MYDGF: variants seen among roughly 807,000 people sequenced by gnomAD.
MYDGF encodes the protein myeloid-derived growth factor.
Under a neutral mutation model 24.2 loss-of-function variants are expected in MYDGF, and 29 were observed. The ratio of observed to expected loss-of-function variants is 1.20; its 90% CI spans 0.89 to 1.63. The LOEUF is 1.63. MYDGF is among the 40% of genes most tolerant of loss of function. The pLI, the probability that MYDGF is intolerant of heterozygous loss-of-function variation, is 0.00. For missense variants in MYDGF, 245 were observed against 234.8 expected (o/e 1.04, Z -0.29); for synonymous variants, 105 against 102.5 (o/e 1.02, Z -0.15).
intron 2 of MYDGF, among the ~76,000 whole-genome samples, chr19:4,668,174 G>A (rs1487448055): frequency 3.3e-5 from 5 of 152,134 alleles, no homozygotes; most frequent in Admixed American, 6.5e-5. Flanking sequence ...TGATCTGCCC[G>A]CCTCAGCCTC....
Position 4,658,037 on chromosome 19 carries a change from T to A in MYDGF, c.490A>T (p.Ile164Phe). 4 of 1,611,800 alleles carry A rather than the reference T, an allele frequency of 2.5e-6. No individual in the cohort carries two copies. Among genetic ancestry groups the A allele is most frequent in the Non-Finnish European group, 3.4e-6 (4 of 1,179,438 alleles). ...TCAGTGCGCGATGCCTTGGCCACAA[T>A]CACCAGCTTGGACAGCTCAGCTTTG... ...AFKAELSKLV[I>F]VAKASRTEL Residue 164 changes from isoleucine to phenylalanine, a missense_variant, in exon 6 of 6, where the codon ATT becomes TTT. Coordinates refer to ENST00000262947, the MANE Select transcript of MYDGF (RefSeq NM_019107.4).
intron 2 of MYDGF, among the ~76,000 whole-genome samples, chr19:4,665,820 C>CAAAAAAAA (rs533879529): frequency 6.6e-5 from 3 of 45,490 alleles, no homozygotes; most frequent in Non-Finnish European, 1.2e-4. Context: ...GACTCTGTCT[C>CAAAAAAAA]AAAAAAAAAA....
rs571131733 is a variant in MYDGF at position 4,658,588 on chromosome 19, C to G, written c.443-504G>C. On this transcript the variant is annotated intron_variant, in intron 5 of 5. Coordinates refer to ENST00000262947, the MANE Select transcript of MYDGF (RefSeq NM_019107.4). ...TGTGTCCACTCCCTTGGCTCCCACC[C>G]TTGCCCCAGCTCGGCGCCTCCGATT... Among the ~76,000 whole-genome samples the G allele has an allele frequency of 2.4e-4, 37 of 152,230 alleles. No homozygotes were observed. In the East Asian group the frequency reaches 6.4e-3, roughly 26 times the overall value.
intron 3 of MYDGF, among the ~76,000 whole-genome samples, chr19:4,664,148 G>T (rs1403569453): frequency 3.3e-5 from 5 of 152,050 alleles, no homozygotes; most frequent in African/African-American, 1.2e-4. Flanking sequence ...GACAGGAGGG[G>T]GATGCGTGGC....
chr19:4,670,175 T>C lies in MYDGF; in HGVS notation c.160A>G (p.Asn54Asp). 1.3e-6 allele frequency: 2 copies of C among 1,548,094 alleles called. No homozygotes were observed. Among genetic ancestry groups the C allele is most frequent in the Non-Finnish European group, 1.7e-6 (2 of 1,149,794 alleles). ...GTGGCACGTACCCCCGGGCCCACGT[T>C]ATGGGAGAAGGAATGCACGACGCCG... ...PGGVVHSFSH[N>D]VGPGDKYTCM... Residue 54 changes from asparagine to aspartate, a missense_variant, in exon 1 of 6, where the codon AAC (asparagine) becomes GAC (aspartate). Physicochemically the swap from Asn to Asp is conservative, Grantham distance 23. Transcript: ENST00000262947.
At chr19:4,658,363 G>A (rs2088440274) in intron 5 of MYDGF, among the ~76,000 whole-genome samples, 1 of 152,196 alleles carries the variant, frequency 6.6e-6, no homozygotes, top group Non-Finnish European at 1.5e-5. Flanking sequence ...TTTGTGCCAT[G>A]TTGTCAAGAA....
chr19:4,665,359 A>T (rs960454543), intron 2 of MYDGF, among the ~76,000 whole-genome samples: 1 of 152,066 alleles, frequency 6.6e-6, no homozygotes, highest in Admixed American at 6.6e-5. Context: ...AGTAGCTGGG[A>T]CCACACCCAG....
chr19:4,670,162 C>T lies in MYDGF; in HGVS notation c.173G>A (p.Gly58Glu). The T allele has an allele frequency of 6.5e-7, 1 of 1,534,208 alleles. No homozygotes were observed. The highest frequency in any genetic ancestry group is 8.8e-7 in the Non-Finnish European group (1 of 1,140,570). ...VHSFSHNVGPGDKYTCMFTYA... is the reference protein window; with the variant it reads ...VHSFSHNVGPEDKYTCMFTYA... ...ATCCGGGACGGCGGTGGCACGTACC[C>T]CCGGGCCCACGTTATGGGAGAAGGA... Residue 58 changes from glycine (G) to glutamate (E), a missense_variant and splice_region_variant, in exon 1 of 6, where the codon GGG becomes GAG. Coordinates refer to ENST00000262947, the MANE Select transcript of MYDGF (RefSeq NM_019107.4).
intron 3 of MYDGF, among the ~76,000 whole-genome samples, chr19:4,664,498 A>G (rs1318309977): frequency 6.6e-6 from 1 of 151,784 alleles, no homozygotes; most frequent in Non-Finnish European, 1.5e-5. Flanking sequence ...TCAAAAAAAA[A>G]AAAAAAAAAA....
intron 3 of MYDGF, among the ~76,000 whole-genome samples, chr19:4,662,300 C>T (rs1250949637): frequency 6.6e-6 from 1 of 152,226 alleles, no homozygotes; most frequent in African/African-American, 2.4e-5. Flanking sequence ...ATAGCTTGGA[C>T]TTCTCCCTCC....
In MYDGF at chr19:4,657,812, G is replaced by A. The variant is rs185652448; in HGVS notation, c.*193C>T. The A allele has an allele frequency of 1.5e-5, 8 of 519,040 alleles. No homozygotes were observed. The East Asian group carries it at 2.5e-4, about 16-fold the overall frequency. The allele number at this position is 519,040 out of a possible 1,614,324, so 32.2% of individuals were successfully genotyped here. On this transcript the variant is annotated 3_prime_UTR_variant, in exon 6 of 6. Coordinates refer to ENST00000262947, the MANE Select transcript of MYDGF (RefSeq NM_019107.4). Reference sequence around the variant, plus strand: ...TGAGAAGCTGTTGGGAGCCAGGAGGGCCCTGGACCCTCTGTTCTCTGCCCC... The same window carrying A: ...TGAGAAGCTGTTGGGAGCCAGGAGGACCCTGGACCCTCTGTTCTCTGCCCC...
chr19:4,658,139 C>G, intron 5 of MYDGF, 55 bp from the exon 6 acceptor site: 1 of 1,521,062 alleles, frequency 6.6e-7, no homozygotes, highest in Non-Finnish European at 8.9e-7. Flanking sequence ...CTCAGAAGTC[C>G]GGAGGATTTG....
chr19:4,668,762 G>T (rs1478837528), intron 1 of MYDGF, 117 bp from the exon 2 acceptor site: 2 of 785,442 alleles, frequency 2.5e-6, no homozygotes, highest in East Asian at 5.5e-5. Context: ...GCTCACTGCA[G>T]CCTCGAACTC....
chr19:4,663,263 C>T lies in MYDGF; in HGVS notation c.287+1613G>A, dbSNP rs1458171399. ...CCTCCCCACCCACCCCATCCTCATT[C>T]TACAGCCTCCAATCTGTGCCCTCTC... is the stretch of plus-strand genomic sequence containing the variant. On this transcript the variant is annotated intron_variant, in intron 3 of 5. Transcript: ENST00000262947. Among the ~76,000 whole-genome samples, 4 of 130,902 alleles carry T rather than the reference C, an allele frequency of 3.1e-5. No homozygotes were observed. The East Asian group carries it at 1.1e-3, about 34-fold the overall frequency. 85.9% of individuals were successfully genotyped at this position (130,902 alleles called of 152,430 possible). A position where few individuals can be genotyped will look rare whatever the true frequency, so the allele number is the denominator to read the frequency against.
chr19:4,660,712 T>C lies in MYDGF; in HGVS notation c.326A>G (p.Lys109Arg). The C allele has an allele frequency of 1.2e-6, 2 of 1,614,084 alleles. No homozygotes were observed. Among genetic ancestry groups the C allele is most frequent in the African/African-American group, 1.3e-5 (1 of 75,036 alleles). The change falls in exon 4 of 6, where the codon AAG (lysine) becomes AGG (arginine). Residue 109 changes from lysine (K) to arginine (R), a missense_variant. Coordinates refer to ENST00000262947, the MANE Select transcript of MYDGF (RefSeq NM_019107.4). Reference protein sequence around the residue: ...GKSYLYFTQFKAEVRGAEIEY... With the variant: ...GKSYLYFTQFRAEVRGAEIEY... ...AATCTCAGCGCCCCGCACCTCTGCC[T>C]TGAACTGTGTGAAGTACAGATAGGA...
rs769062230 is a variant in MYDGF at position 4,660,765 on chromosome 19, G to C, written c.288-15C>G. 1 of 1,611,334 alleles carries C rather than the reference G, an allele frequency of 6.2e-7. No individual in the cohort carries two copies. Among genetic ancestry groups the C allele is most frequent in the East Asian group, 2.2e-5 (1 of 44,794 alleles). On this transcript the variant is annotated splice_polypyrimidine_tract_variant and intron_variant, in intron 3 of 5. Coordinates refer to ENST00000262947, the MANE Select transcript of MYDGF (RefSeq NM_019107.4). ...TCCCCTGGGGCCTGCAGAGGAAGAG[G>C]GGGCGAGGGAGTCAGGCCAGGCCTG...
chr19:4,670,172 C>G lies in MYDGF; in HGVS notation c.163G>C (p.Val55Leu). 1 of 1,548,392 alleles carries G rather than the reference C, an allele frequency of 6.5e-7. No individual in the cohort carries two copies. The highest frequency in any genetic ancestry group is 8.7e-7 in the Non-Finnish European group (1 of 1,149,602). Residue 55 changes from valine to leucine, a missense_variant, in exon 1 of 6, where the codon GTG (valine) becomes CTG (leucine). By Grantham distance (32) the Val-to-Leu change is conservative. Transcript: ENST00000262947. The stretch of plus-strand genomic sequence containing the variant: ...GCGGTGGCACGTACCCCCGGGCCCA[C>G]GTTATGGGAGAAGGAATGCACGACG... ...GGVVHSFSHNVGPGDKYTCMF... is the reference protein window; with the variant it reads ...GGVVHSFSHNLGPGDKYTCMF...
intron 1 of MYDGF, among the ~76,000 whole-genome samples, chr19:4,668,849 ATTTTTTT>A (rs59730499): frequency 7.1e-6 from 1 of 140,392 alleles, no homozygotes; most frequent in Non-Finnish European, 1.6e-5. Context: ...CACCCGACTA[ATTTTTTT>A]TTTTTTTTTT....
At chr19:4,663,204 GTCC>G (rs2088485016) in intron 3 of MYDGF, among the ~76,000 whole-genome samples, 1 of 20,120 alleles carries the variant, frequency 5.0e-5, no homozygotes. Context: ...CTCCCCACCC[GTCC>G]TGTCCTCATT....
Sources: allele counts gnomAD v4.1 joint callset (sites outside exome capture counted in the v4.1 genomes callset), GRCh38; gene constraint gnomAD v4.1.1; transcripts MANE v1.5; gene names NCBI Gene and HGNC (gene_info 2026-07-23, HGNC 2026-07-21).